ANXA4: variants seen among roughly 807,000 people sequenced by gnomAD.
ANXA4 encodes 35-beta calcimedin.
Under a neutral mutation model 49.8 loss-of-function variants are expected in ANXA4, and 39 were observed. The observed-to-expected ratio is 0.78, with a 90% CI of 0.61 to 1.02. The LOEUF (loss-of-function observed/expected upper bound fraction) is 1.02. Ranked by LOEUF, ANXA4 falls within the 50% of genes least tolerant of loss-of-function variation. The pLI is 0.00. For synonymous variants in ANXA4, 134 were observed against 152.5 expected (o/e 0.88, Z 0.89); for missense variants, 360 against 410.1 (o/e 0.88, Z 1.05).
At chr2:69,768,967 C>G (rs1334250188) in intron 1 of ANXA4, among the ~76,000 whole-genome samples, 2 of 152,022 alleles carry the variant, frequency 1.3e-5, no homozygotes, top group African/African-American at 4.8e-5. Flanking sequence ...AAAAACCAGC[C>G]AACTGAAATT....
At chr2:69,760,317 T>C (rs1671229119) in intron 1 of ANXA4, among the ~76,000 whole-genome samples, 2 of 152,210 alleles carry the variant, frequency 1.3e-5, no homozygotes, top group African/African-American at 4.8e-5. Flanking sequence ...AATACACATA[T>C]GGTTTAAAAA....
chr2:69,664,186 A>T (rs79509798), intron 2 of ANXA4, among the ~76,000 whole-genome samples: 9,770 of 152,298 alleles, frequency 0.064, 1,026 homozygotes, highest in East Asian at 0.36. Flanking sequence ...AGATTCTCAT[A>T]CCCATCCAAA....
intron 12 of ANXA4, among the ~76,000 whole-genome samples, chr2:69,821,644 G>A (rs181992809): frequency 8.8e-4 from 134 of 152,086 alleles, no homozygotes; most frequent in East Asian, 1.4e-3. Context: ...TAGAAATGGC[G>A]TTTCACCATG....
At chr2:69,663,273 C>T (rs564181366) in intron 2 of ANXA4, among the ~76,000 whole-genome samples, 237 of 119,624 alleles carry the variant, frequency 2.0e-3, no homozygotes, top group African/African-American at 7.4e-3. Flanking sequence ...GGATTACAGG[C>T]GTGAGCCAAT....
intron 1 of ANXA4, among the ~76,000 whole-genome samples, chr2:69,648,748 G>T (rs1308951652): frequency 6.8e-6 from 1 of 146,988 alleles, no homozygotes; most frequent in East Asian, 2.2e-4. Flanking sequence ...TTTAACCCAG[G>T]AGGCGGAGCT....
chr2:69,818,804 A>C, intron 10 of ANXA4, 110 bp downstream of exon 10: 1 of 672,920 alleles, frequency 1.5e-6, no homozygotes, highest in Non-Finnish European at 2.5e-6. Context: ...GTTGTTTATC[A>C]TGAATCACTC....
chr2:69,659,269 CT>C (rs1283731171), intron 2 of ANXA4, among the ~76,000 whole-genome samples: 1 of 152,168 alleles, frequency 6.6e-6, no homozygotes, highest in South Asian at 2.1e-4. Flanking sequence ...GAAAGTTAGA[CT>C]GCTCTAGTGT....
At chr2:69,678,026 G>A (rs1677466432) in intron 2 of ANXA4, among the ~76,000 whole-genome samples, 1 of 152,134 alleles carries the variant, frequency 6.6e-6, no homozygotes, top group African/African-American at 2.4e-5. Flanking sequence ...CTCCTCTACT[G>A]TGAAGGGAAC....
chr2:69,709,485 T>A (rs192250470), intron 2 of ANXA4, among the ~76,000 whole-genome samples: 53 of 152,298 alleles, frequency 3.5e-4, no homozygotes, highest in African/African-American at 1.2e-3. Flanking sequence ...TTGTTTTCCA[T>A]CAGCAGAAGC....
At chr2:69,700,337 C>G (rs970979007) in intron 2 of ANXA4, 1 of 152,124 alleles carries the variant, frequency 6.6e-6, no homozygotes, top group African/African-American at 2.4e-5. Flanking sequence ...AGCTATGGCA[C>G]CACTGCACTC....
intron 2 of ANXA4, among the ~76,000 whole-genome samples, chr2:69,697,920 G>T (rs1678208528): frequency 1.3e-5 from 2 of 149,488 alleles, no homozygotes; most frequent in African/African-American, 4.9e-5. Context: ...TGAGATGGGA[G>T]GATCTCTTAA....
chr2:69,714,315 A>G (rs190481740), intron 2 of ANXA4, among the ~76,000 whole-genome samples: 216 of 142,234 alleles, frequency 1.5e-3, no homozygotes, highest in African/African-American at 5.1e-3. Flanking sequence ...GGGAGCGTAC[A>G]GTTTCCGGAA....
At chr2:69,757,238 T>TTATATA (rs869068494) in intron 1 of ANXA4, among the ~76,000 whole-genome samples, 90 of 59,062 alleles carry the variant, frequency 1.5e-3, no homozygotes, top group Non-Finnish European at 2.1e-3. Context: ...CATTTTTGTT[T>TTATATA]TATATATATA....
chr2:69,701,137 A>T (rs1031443180), intron 2 of ANXA4, among the ~76,000 whole-genome samples: 4 of 151,936 alleles, frequency 2.6e-5, no homozygotes, highest in African/African-American at 9.7e-5. Context: ...AGCCTCCCAA[A>T]TTGTGGGGAT....
chr2:69,733,145 T>C (rs1387672056), intron 3 of ANXA4, among the ~76,000 whole-genome samples: 1 of 152,240 alleles, frequency 6.6e-6, no homozygotes, highest in East Asian at 1.9e-4. Context: ...AATTTTCATC[T>C]TTAGGGATAT....
chr2:69,658,024 C>CA (rs1055223105), intron 2 of ANXA4, among the ~76,000 whole-genome samples: 6 of 151,970 alleles, frequency 3.9e-5, no homozygotes, highest in Admixed American at 1.3e-4. Context: ...CAAAAATACT[C>CA]AAAGGTTTTA....
intron 3 of ANXA4, among the ~76,000 whole-genome samples, chr2:69,790,890 T>C (rs1230910960): frequency 2.0e-5 from 3 of 152,226 alleles, no homozygotes; most frequent in Non-Finnish European, 4.4e-5. Context: ...TCTTAAAACA[T>C]AATTTCTCTT....
chr2:69,803,674 AG>A (rs1673313219), intron 3 of ANXA4, among the ~76,000 whole-genome samples: 1 of 152,254 alleles, frequency 6.6e-6, no homozygotes, highest in South Asian at 2.1e-4. Flanking sequence ...TTTAAAACAC[AG>A]TGAATGCAGT....
intron 1 of ANXA4, among the ~76,000 whole-genome samples, chr2:69,743,526 C>G (rs1670489945): frequency 6.6e-6 from 1 of 152,108 alleles, no homozygotes; most frequent in African/African-American, 2.4e-5. Context: ...CGGCCAAACC[C>G]TAGGTTTTTA....
Sources: allele counts gnomAD v4.1 joint callset (sites outside exome capture counted in the v4.1 genomes callset), GRCh38; gene constraint gnomAD v4.1.1; transcripts MANE v1.5; gene names NCBI Gene and HGNC (gene_info 2026-07-23, HGNC 2026-07-21).